NALF1: variants seen among roughly 807,000 people sequenced by gnomAD.
NALF1 encodes family with sequence similarity 155 member A.
In NALF1, 3 loss-of-function variants were observed where a neutral mutation model predicts 48.4. The ratio of observed to expected loss-of-function variants is 0.06; its 90% CI spans 0.03 to 0.16. NALF1 has a LOEUF of 0.16. Among genes scored for constraint, NALF1 ranks in the 10% least tolerant of loss-of-function variants. NALF1 has a pLI of 1.00. For synonymous variants in NALF1, 262 were observed against 245.7 expected, an observed-to-expected ratio of 1.07 and a Z score of -0.62; for missense variants, 526 against 571.5, an observed-to-expected ratio of 0.92 and a Z score of 0.81.
At chr13:107,475,796 A>G (rs1313218425) in intron 1 of NALF1, among the ~76,000 whole-genome samples, 2 of 152,154 alleles carry the variant, frequency 1.3e-5, no homozygotes, top group African/African-American at 4.8e-5. Context: ...TCCTCATATA[A>G]ACTATTTATT....
At chr13:107,474,731 C>T (rs1438223156) in intron 1 of NALF1, among the ~76,000 whole-genome samples, 3 of 152,124 alleles carry the variant, frequency 2.0e-5, no homozygotes, top group Middle Eastern at 3.4e-3. Context: ...TATCCAAGTA[C>T]GTATATGGGT....
At chr13:107,218,624 A>AAAC (rs1879927535) in intron 1 of NALF1, among the ~76,000 whole-genome samples, 1 of 100,364 alleles carries the variant, frequency 1.0e-5, no homozygotes, top group African/African-American at 3.8e-5. Flanking sequence ...AACAAACAAA[A>AAAC]CAAACAAACA....
intron 1 of NALF1, among the ~76,000 whole-genome samples, chr13:107,814,138 G>C (rs17446650): frequency 0.026 from 3,987 of 152,210 alleles, 125 homozygotes; most frequent in African/African-American, 0.07. Context: ...GACAAGAGTT[G>C]TACCTAAGGA....
At chr13:107,303,138 C>A (rs545416065) in intron 1 of NALF1, among the ~76,000 whole-genome samples, 6 of 152,064 alleles carry the variant, frequency 3.9e-5, no homozygotes, top group African/African-American at 1.4e-4. Flanking sequence ...TCCCTAATGT[C>A]TGATCGTTTT....
At chr13:107,345,102 T>C (rs865787181) in intron 1 of NALF1, among the ~76,000 whole-genome samples, 10 of 151,346 alleles carry the variant, frequency 6.6e-5, no homozygotes, top group Non-Finnish European at 1.0e-4. Context: ...CACACACACA[T>C]ACACACACAC....
In NALF1 at chr13:107,608,306, T is replaced by C. The variant is rs1879127644; in HGVS notation, c.915+257376A>G. The stretch of plus-strand genomic sequence containing the variant: ...ATAATGTTAAGCCAAAAGCACTCAC[T>C]ACAGATCCAGCCAACAGCCAGTGTC... On this transcript the variant is annotated intron_variant, in intron 1 of 2. Transcript: ENST00000375915. Among the ~76,000 whole-genome samples the C allele has an allele frequency of 2.0e-5, 3 of 152,088 alleles. No homozygotes were observed. In the South Asian group the frequency reaches 6.2e-4, roughly 32 times the overall value.
intron 1 of NALF1, among the ~76,000 whole-genome samples, chr13:107,424,428 C>T (rs1049983526): frequency 6.6e-6 from 1 of 152,096 alleles, no homozygotes; most frequent in Non-Finnish European, 1.5e-5. Context: ...CAGGAGCCAC[C>T]GCCCCTGGTG....
At chr13:107,823,605 C>T (rs919504261) in intron 1 of NALF1, among the ~76,000 whole-genome samples, 1 of 92,586 alleles carries the variant, frequency 1.1e-5, no homozygotes, top group African/African-American at 6.6e-5. Flanking sequence ...CTCCAGAAGG[C>T]CTTGGTACTC....
At chr13:107,703,877 G>A (rs1289520059) in intron 1 of NALF1, among the ~76,000 whole-genome samples, 2 of 152,100 alleles carry the variant, frequency 1.3e-5, no homozygotes, top group African/African-American at 2.4e-5. Flanking sequence ...GTATCACATA[G>A]CATCTGTAGC....
Position 107,866,791 on chromosome 13 carries a change from C to T in NALF1, c.-195G>A, listed in dbSNP as rs201183573. 2 of 593,304 alleles carry T rather than the reference C, an allele frequency of 3.4e-6. No homozygotes were observed. The highest frequency in any genetic ancestry group is 3.1e-5 in the Admixed American group (1 of 32,712). 36.8% of individuals were successfully genotyped at this position (593,304 alleles called of 1,614,324 possible). A position where few individuals can be genotyped will look rare whatever the true frequency, so the allele number is the denominator to read the frequency against. Reference sequence around the variant, plus strand: ...CTCTCCCTCTCCCTCTCTTTTATCTCTCTCTGTCTCTTTTGCCTACATAAA... The same window carrying T: ...CTCTCCCTCTCCCTCTCTTTTATCTTTCTCTGTCTCTTTTGCCTACATAAA... On this transcript the variant is annotated 5_prime_UTR_variant, in exon 1 of 3. Transcript: ENST00000375915. The surrounding 1 kb of genome is among the most constrained non-coding windows in gnomAD (Gnocchi z 4.4).
chr13:107,263,220 G>C (rs1047813765), intron 1 of NALF1, among the ~76,000 whole-genome samples: 14 of 144,678 alleles, frequency 9.7e-5, no homozygotes, highest in Non-Finnish European at 2.1e-4. Context: ...TAAATGTGTA[G>C]GCTCCCAACA....
At chr13:107,233,983 A>T (rs1012603377) in intron 1 of NALF1, among the ~76,000 whole-genome samples, 4 of 152,208 alleles carry the variant, frequency 2.6e-5, no homozygotes, top group Non-Finnish European at 5.9e-5. Flanking sequence ...TGTACAATTT[A>T]TAGGAGAAAC....
At chr13:107,690,476 TAAAGTG>T (rs1384672179) in intron 1 of NALF1, among the ~76,000 whole-genome samples, 1 of 152,210 alleles carries the variant, frequency 6.6e-6, no homozygotes, top group East Asian at 1.9e-4. Context: ...TTCAGAGAGT[TAAAGTG>T]GTTTTTGCAT....
intron 1 of NALF1, among the ~76,000 whole-genome samples, chr13:107,252,641 T>A (rs890998520): frequency 3.1e-4 from 47 of 152,102 alleles, no homozygotes; most frequent in African/African-American, 1.1e-3. Context: ...TGCAAGTGAA[T>A]CACTAAGGCC....
At chr13:107,308,850 T>C (rs1881991474) in intron 1 of NALF1, among the ~76,000 whole-genome samples, 1 of 152,232 alleles carries the variant, frequency 6.6e-6, no homozygotes, top group African/African-American at 2.4e-5. Flanking sequence ...ATATAACCTA[T>C]AGGTTGTTTT....
At chr13:107,386,022 C>G (rs923492983) in intron 1 of NALF1, among the ~76,000 whole-genome samples, 1 of 152,122 alleles carries the variant, frequency 6.6e-6, no homozygotes, top group Non-Finnish European at 1.5e-5. Flanking sequence ...ACCTTAAGGT[C>G]TATAAAAACC....
At chr13:107,865,598 T>A (rs1343402813) in intron 1 of NALF1, 84 bp downstream of exon 1, 6 of 1,503,818 alleles carry the variant, frequency 4.0e-6, no homozygotes, top group African/African-American at 1.4e-5. Context: ...AGCCAAAAAA[T>A]AATAATAATA....
intron 1 of NALF1, among the ~76,000 whole-genome samples, chr13:107,288,348 T>C (rs1466584798): frequency 1.3e-5 from 2 of 149,724 alleles, no homozygotes; most frequent in Admixed American, 1.3e-4. Context: ...GCCTCCCGAG[T>C]AGCTGGGATT....
chr13:107,502,809 T>C (rs1172120164), intron 1 of NALF1, among the ~76,000 whole-genome samples: 1 of 152,194 alleles, frequency 6.6e-6, no homozygotes, highest in Non-Finnish European at 1.5e-5. Flanking sequence ...GAATTAATTT[T>C]GACACTGTTA....
Sources: gnomAD v4.1 joint callset for allele counts (sites outside exome capture counted in the v4.1 genomes callset) on GRCh38, gnomAD v4.1.1 for gene constraint, Gnocchi (gnomAD v3.1) non-coding constraint, MANE v1.5 for transcripts, NCBI Gene and HGNC (gene_info 2026-07-23, HGNC 2026-07-21) for gene names.